GRK5: variants seen among roughly 807,000 people sequenced by gnomAD.
GRK5 encodes G protein-coupled receptor kinase 5.
Under a neutral mutation model 78.4 loss-of-function variants are expected in GRK5, and 40 were observed. The observed-to-expected ratio is 0.51, with a 90% CI of 0.40 to 0.66. GRK5 has a LOEUF of 0.66. Ranked by LOEUF, GRK5 falls within the 30% of genes least tolerant of loss-of-function variation. The pLI is 0.00. For missense variants in GRK5, 598 were observed against 759.9 expected (o/e 0.79, Z 2.50); for synonymous variants, 289 against 296.8 (o/e 0.97, Z 0.27).
At chr10:119,358,471 G>A (rs1392956019) in intron 2 of GRK5, among the ~76,000 whole-genome samples, 7 of 152,110 alleles carry the variant, frequency 4.6e-5, no homozygotes, top group African/African-American at 1.2e-4. Context: ...CAGCCTGGCC[G>A]CCTTCTCCTG....
chr10:119,209,719 C>CG (rs1266207023), intron 1 of GRK5, among the ~76,000 whole-genome samples: 5 of 151,894 alleles, frequency 3.3e-5, no homozygotes, highest in Non-Finnish European at 7.4e-5. Context: ...TTTTCACTCT[C>CG]GCTCCATTCT....
chr10:119,343,432 C>T (rs72835742), intron 2 of GRK5, among the ~76,000 whole-genome samples: 36,437 of 152,144 alleles, frequency 0.24, 5,185 homozygotes, highest in East Asian at 0.51. Flanking sequence ...GCTGCCTTCC[C>T]CACCCCTATT....
At chr10:119,364,715 G>A (rs1298902932) in intron 2 of GRK5, among the ~76,000 whole-genome samples, 1 of 152,196 alleles carries the variant, frequency 6.6e-6, no homozygotes, top group Non-Finnish European at 1.5e-5. Context: ...TGCATATGAG[G>A]AGTTTAAAGT....
Position 119,253,591 on chromosome 10 carries a change from C to T in GRK5, c.52+45622C>T, listed in dbSNP as rs1563289. ...GGCTGGAACCAGGGCTTCAGCCCGG[C>T]GCACACCCAGCTCGTTTGGAGGTCA... On this transcript the variant is annotated intron_variant, in intron 1 of 15. Transcript: ENST00000392870. The surrounding 1 kb of genome is among the most constrained non-coding windows in gnomAD (Gnocchi z 5.7). Among the ~76,000 whole-genome samples, 3,223 of 152,292 alleles carry T rather than the reference C, an allele frequency of 0.021. 57 individuals are homozygous for T. The highest frequency in any genetic ancestry group is 0.054 in the Admixed American group (833 of 15,300).
chr10:119,416,621 C>T (rs1220195510), intron 4 of GRK5, among the ~76,000 whole-genome samples: 1 of 151,364 alleles, frequency 6.6e-6, no homozygotes, highest in Non-Finnish European at 1.5e-5. Context: ...GACTGCTTCT[C>T]ACTCTGTTGC....
At chr10:119,443,340 G>A (rs1302289097) in intron 11 of GRK5, among the ~76,000 whole-genome samples, 4 of 152,178 alleles carry the variant, frequency 2.6e-5, no homozygotes, top group African/African-American at 4.8e-5. Flanking sequence ...CTCCATCCAC[G>A]GTGGTCAGAG....
At chr10:119,376,991 T>C (rs773450740) in intron 2 of GRK5, among the ~76,000 whole-genome samples, 13 of 152,134 alleles carry the variant, frequency 8.5e-5, no homozygotes, top group Non-Finnish European at 1.9e-4. Context: ...TGCGTGTGTG[T>C]ATGTGCGTGC....
At chr10:119,361,169 G>A (rs1424946519) in intron 2 of GRK5, among the ~76,000 whole-genome samples, 1 of 152,234 alleles carries the variant, frequency 6.6e-6, no homozygotes, top group Non-Finnish European at 1.5e-5. Flanking sequence ...CAGCAGGACC[G>A]GGCAGTGCTG....
At chr10:119,354,118 TA>T (rs1387867024) in intron 2 of GRK5, among the ~76,000 whole-genome samples, 2 of 151,774 alleles carry the variant, frequency 1.3e-5, no homozygotes. Context: ...TTTCTTTATT[TA>T]AAAAAATGTC....
intron 1 of GRK5, among the ~76,000 whole-genome samples, chr10:119,269,098 T>C (rs572564886): frequency 7.2e-5 from 11 of 152,288 alleles, no homozygotes; most frequent in African/African-American, 2.4e-4. Flanking sequence ...CTTACCTCAT[T>C]CTAGACTCTT....
chr10:119,442,154 C>A, intron 11 of GRK5, 66 bp downstream of exon 11: 1 of 1,311,490 alleles, frequency 7.6e-7, no homozygotes, highest in Non-Finnish European at 1.1e-6. Context: ...CCGGCCGAGC[C>A]CCCAGAGCCT....
At chr10:119,269,554 G>C (rs1849553611) in intron 1 of GRK5, among the ~76,000 whole-genome samples, 1 of 152,078 alleles carries the variant, frequency 6.6e-6, no homozygotes, top group African/African-American at 2.4e-5. Context: ...ATAATGGCCA[G>C]GCACAGTGGT....
In GRK5 at chr10:119,427,399, T is replaced by C. The variant is rs868394900; in HGVS notation, c.533+2314T>C. ...GCATCACCACCATCATCAGCATCAC[T>C]GCCATCAACAGCGTCACCACCATCA... On this transcript the variant is annotated intron_variant, in intron 6 of 15. Coordinates refer to ENST00000392870, the MANE Select transcript of GRK5 (RefSeq NM_005308.3). 4.3e-3 allele frequency among the ~76,000 whole-genome samples: 540 copies of C among 125,314 alleles called. 1 individual carries two copies. The highest frequency in any genetic ancestry group is 0.014 in the African/African-American group (425 of 30,764). 82.2% of individuals were successfully genotyped at this position (125,314 alleles called of 152,430 possible).
intron 1 of GRK5, among the ~76,000 whole-genome samples, chr10:119,261,646 C>T (rs902078569): frequency 7.2e-4 from 109 of 152,380 alleles, no homozygotes; most frequent in Middle Eastern, 3.4e-3. Context: ...TCTGCAATCC[C>T]GGCACCTCGG....
rs1849509412 is a variant in GRK5, at chr10:119,267,031, G to T, written c.52+59062G>T. On this transcript the variant is annotated intron_variant, in intron 1 of 15. Transcript: ENST00000392870. This position sits in a 1 kb window ranked among gnomAD's most constrained non-coding sequence, Gnocchi z 4.1. The stretch of plus-strand genomic sequence containing the variant: ...GGCCGAGGTGCGCGGATCACCTGAG[G>T]TCGGGAGTTCTAACCAGCCTGACCA... 6.6e-6 allele frequency among the ~76,000 whole-genome samples: 1 copy of T among 152,060 alleles called. No homozygotes were observed. Among genetic ancestry groups the T allele is most frequent in the African/African-American group, 2.4e-5 (1 of 41,422 alleles).
intron 6 of GRK5, among the ~76,000 whole-genome samples, chr10:119,426,915 A>G (rs966361506): frequency 1.7e-4 from 26 of 152,280 alleles, no homozygotes; most frequent in African/African-American, 5.5e-4. Context: ...CATCATCAGC[A>G]TCACTGCTGT....
chr10:119,360,308 G>T (rs1332523942), intron 2 of GRK5, among the ~76,000 whole-genome samples: 1 of 152,236 alleles, frequency 6.6e-6, no homozygotes, highest in African/African-American at 2.4e-5. Flanking sequence ...TGGGTGTGTA[G>T]TGTGCCTTTG....
At chr10:119,415,539 C>T (rs1176829631) in intron 4 of GRK5, among the ~76,000 whole-genome samples, 2 of 152,176 alleles carry the variant, frequency 1.3e-5, no homozygotes, top group Non-Finnish European at 2.9e-5. Context: ...GTAGCAGAGA[C>T]CTGTGAGGAG....
intron 13 of GRK5, among the ~76,000 whole-genome samples, chr10:119,448,769 A>G (rs958425428): frequency 7.2e-5 from 11 of 152,312 alleles, no homozygotes; most frequent in African/African-American, 2.4e-4. Flanking sequence ...AGGGAGTTGC[A>G]TCTTCCCAGG....
Sources: gnomAD v4.1 joint callset for allele counts (sites outside exome capture counted in the v4.1 genomes callset) on GRCh38, gnomAD v4.1.1 for gene constraint, Gnocchi (gnomAD v3.1) non-coding constraint, MANE v1.5 for transcripts, NCBI Gene and HGNC (gene_info 2026-07-23, HGNC 2026-07-21) for gene names.